The following BABAM2 variants were observed in gnomAD, a reference collection of about 807,000 sequenced individuals.
BABAM2 encodes the protein BRISC and BRCA1 A complex member 2.
In BABAM2, 31 loss-of-function variants were observed where a neutral mutation model predicts 54.7. That is an observed-to-expected ratio of 0.57 (90% CI 0.43 to 0.77). The LOEUF is 0.77. BABAM2 is among the 30% of genes least tolerant of loss of function. BABAM2 has a pLI of 0.00. For synonymous variants in BABAM2, 167 were observed against 162.9 expected, an observed-to-expected ratio of 1.03 and a Z score of -0.19; for missense variants, 364 against 455.8, an observed-to-expected ratio of 0.80 and a Z score of 1.83.
intron 6 of BABAM2, among the ~76,000 whole-genome samples, chr2:28,123,100 A>T (rs1039784432): frequency 6.6e-6 from 1 of 152,128 alleles, no homozygotes; most frequent in Non-Finnish European, 1.5e-5. Flanking sequence ...TCATTTACTC[A>T]TTCTTTTAGT....
At position 28,207,535 on chromosome 2, in the gene BABAM2, C is replaced by T. The variant is rs572634447; in HGVS notation, c.681-29667C>T. ...ACACCAGCCTGGATGACAGCAAGACCCTGTCTCAAAAAATAAATAAAAATA... is the reference window on the plus strand; with the variant it reads ...ACACCAGCCTGGATGACAGCAAGACTCTGTCTCAAAAAATAAATAAAAATA... On this transcript the variant is annotated intron_variant, in intron 7 of 11. Coordinates refer to ENST00000379624, the MANE Select transcript of BABAM2 (RefSeq NM_199191.3). Among the ~76,000 whole-genome samples the T allele has an allele frequency of 3.3e-5, 5 of 152,032 alleles. No homozygotes were observed. The East Asian group carries it at 5.8e-4, about 18-fold the overall frequency.
At chr2:28,222,599 G>T (rs1409102343) in intron 7 of BABAM2, among the ~76,000 whole-genome samples, 5 of 152,186 alleles carry the variant, frequency 3.3e-5, no homozygotes, top group African/African-American at 1.2e-4. Context: ...TGCTCTATTA[G>T]TACATGTTTA....
At chr2:28,168,887 A>G (rs1046233656) in intron 7 of BABAM2, among the ~76,000 whole-genome samples, 6 of 152,128 alleles carry the variant, frequency 3.9e-5, no homozygotes, top group Non-Finnish European at 7.4e-5. Context: ...AATTAATTCA[A>G]CCCAACTTCC....
At chr2:28,151,331 G>T (rs769047278) in intron 7 of BABAM2, among the ~76,000 whole-genome samples, 7 of 152,122 alleles carry the variant, frequency 4.6e-5, no homozygotes, top group Non-Finnish European at 8.8e-5. Flanking sequence ...CCAGCACTTT[G>T]GGAGGCCAAG....
rs141259856 is a variant in BABAM2 at position 28,294,246 on chromosome 2, G to A, written c.935-4092G>A. 1.3e-4 allele frequency among the ~76,000 whole-genome samples: 20 copies of A among 152,206 alleles called. No homozygotes were observed. In the East Asian group the frequency reaches 3.7e-3, roughly 28 times the overall value. On this transcript the variant is annotated intron_variant, in intron 10 of 11. Transcript: ENST00000379624. The stretch of plus-strand genomic sequence containing the variant: ...ATACAAAAAATTAGCTGGGCATGAC[G>A]GCAGGCGTCTGTAATCCTAGCTACT...
At chr2:28,271,831 G>A (rs1238001392) in intron 10 of BABAM2, among the ~76,000 whole-genome samples, 2 of 152,182 alleles carry the variant, frequency 1.3e-5, no homozygotes, top group East Asian at 1.9e-4. Flanking sequence ...TTATGCTCAA[G>A]CTTGGTAATT....
At chr2:27,910,647 A>AAT (rs1461559435) in intron 2 of BABAM2, among the ~76,000 whole-genome samples, 2 of 152,030 alleles carry the variant, frequency 1.3e-5, no homozygotes, top group African/African-American at 2.4e-5. Context: ...TACTTTTAAA[A>AAT]ATATATATAT....
At chr2:28,200,249 G>A (rs1053252500) in intron 7 of BABAM2, among the ~76,000 whole-genome samples, 3 of 152,114 alleles carry the variant, frequency 2.0e-5, no homozygotes, top group Admixed American at 2.0e-4. Flanking sequence ...TGACTCTCCT[G>A]TATTCATTTT....
intron 7 of BABAM2, among the ~76,000 whole-genome samples, chr2:28,213,305 A>G (rs551801485): frequency 1.3e-5 from 2 of 152,286 alleles, no homozygotes; most frequent in South Asian, 4.1e-4. Context: ...ACTGAACACT[A>G]AAGAAGCTAC....
At chr2:28,250,158 C>T (rs1161277521) in intron 10 of BABAM2, among the ~76,000 whole-genome samples, 1 of 151,968 alleles carries the variant, frequency 6.6e-6, no homozygotes, top group Middle Eastern at 3.2e-3. Context: ...TAGAGGGTGA[C>T]ATTTCCGCTG....
intron 6 of BABAM2, among the ~76,000 whole-genome samples, chr2:28,087,801 A>C (rs974696542): frequency 5.9e-5 from 9 of 152,054 alleles, no homozygotes; most frequent in Non-Finnish European, 1.3e-4. Context: ...GGCGTGCGCC[A>C]CTATGCCCTG....
At chr2:28,024,044 A>G (rs930695998) in intron 4 of BABAM2, among the ~76,000 whole-genome samples, 11 of 152,202 alleles carry the variant, frequency 7.2e-5, no homozygotes, top group African/African-American at 4.8e-5. Context: ...ACGTCAAGCT[A>G]TACTCATGGT....
chr2:27,963,265 T>A (rs1670601124), intron 3 of BABAM2, among the ~76,000 whole-genome samples: 1 of 151,456 alleles, frequency 6.6e-6, no homozygotes, highest in Non-Finnish European at 1.5e-5. Flanking sequence ...AAGTCAGGAG[T>A]TCGAGACCAG....
chr2:27,943,104 T>C (rs1669048582), intron 3 of BABAM2, among the ~76,000 whole-genome samples: 1 of 152,218 alleles, frequency 6.6e-6, no homozygotes, highest in Admixed American at 6.5e-5. Context: ...ACCATACATT[T>C]TGAACCTTGG....
chr2:28,321,119 C>T (rs865855584), intron 11 of BABAM2, among the ~76,000 whole-genome samples: 16 of 152,142 alleles, frequency 1.1e-4, no homozygotes, highest in African/African-American at 3.6e-4. Flanking sequence ...AACAGGAGGT[C>T]CTCAATGTGT....
rs182991180 is a variant in BABAM2 at position 28,050,391 on chromosome 2, A to C, written c.570+4592A>C. ...TTCTTCACTTTCCTTGATTTATACT[A>C]TACAGTGTGGTATTCAGGGAGATCT... is the stretch of plus-strand genomic sequence containing the variant. On this transcript the variant is annotated intron_variant, in intron 6 of 11. Transcript: ENST00000379624. Among the ~76,000 whole-genome samples, 51 of 152,288 alleles carry C rather than the reference A, an allele frequency of 3.3e-4. 1 individual carries two copies. The East Asian group carries it at 9.6e-3, about 29-fold the overall frequency.
intron 8 of BABAM2, among the ~76,000 whole-genome samples, chr2:28,238,340 T>C (rs966412800): frequency 6.6e-6 from 1 of 152,260 alleles, no homozygotes; most frequent in African/African-American, 2.4e-5. Flanking sequence ...CAAACAATGC[T>C]GACTCTCTTT....
intron 2 of BABAM2, among the ~76,000 whole-genome samples, chr2:27,897,618 A>T (rs1353874853): frequency 6.6e-6 from 1 of 151,644 alleles, no homozygotes; most frequent in Non-Finnish European, 1.5e-5. Context: ...TAAGCCAGGG[A>T]TTGGAAAGTG....
chr2:28,238,906 C>T (rs1682160518), intron 8 of BABAM2, among the ~76,000 whole-genome samples: 1 of 152,136 alleles, frequency 6.6e-6, no homozygotes, highest in Middle Eastern at 3.4e-3. Flanking sequence ...TATCTGGTTT[C>T]CTTTCATTAA....
Sources: allele counts gnomAD v4.1 joint callset (sites outside exome capture counted in the v4.1 genomes callset), GRCh38; gene constraint gnomAD v4.1.1; transcripts MANE v1.5; gene names NCBI Gene and HGNC (gene_info 2026-07-23, HGNC 2026-07-21).